RASGRP3: variants seen among roughly 807,000 people sequenced by gnomAD.
RASGRP3 encodes the protein RAS guanyl releasing protein 3.
Under a neutral mutation model 82.7 loss-of-function variants are expected in RASGRP3, and 54 were observed. The observed-to-expected ratio is 0.65, with a 90% CI of 0.52 to 0.82. RASGRP3 has a LOEUF of 0.82. Among genes scored for constraint, RASGRP3 ranks in the 40% least tolerant of loss-of-function variants. The pLI is 0.00. For missense variants in RASGRP3, 861 were observed against 828.9 expected, an observed-to-expected ratio of 1.04 and a Z score of -0.48; for synonymous variants, 309 against 300.5, an observed-to-expected ratio of 1.03 and a Z score of -0.29.
At position 33,515,193 on chromosome 2, in the gene RASGRP3, C is replaced by T; in HGVS notation, c.57C>T (p.Cys19=). The change falls in exon 3 of 18, where the codon TGC becomes TGT. Residue 19 remains cysteine, a synonymous_variant. Coordinates refer to ENST00000403687, the MANE Select transcript of RASGRP3 (RefSeq NM_001139488.2). ...CATTAGATGAACTGCTGTGCACTTG[C>T]ATTGAGATGTTTGGTACGAGCCTTT... ...AATLDELLCT[C]IEMFDDNGEL... 1 of 1,613,932 alleles carries T rather than the reference C, an allele frequency of 6.2e-7. No homozygotes were observed. Among genetic ancestry groups the T allele is most frequent in the Non-Finnish European group, 8.5e-7 (1 of 1,179,832 alleles).
upstream of RASGRP3, among the ~76,000 whole-genome samples, chr2:33,475,913 T>C (rs1458487692): frequency 6.6e-6 from 1 of 152,226 alleles, no homozygotes; most frequent in African/African-American, 2.4e-5. Context: ...CGCCGGCTGA[T>C]AATCTCAGCT....
intron 13 of RASGRP3, among the ~76,000 whole-genome samples, chr2:33,547,502 G>GGGAA (rs1674915252): frequency 6.6e-6 from 1 of 151,882 alleles, no homozygotes; most frequent in African/African-American, 2.4e-5. Context: ...AACAGTAATA[G>GGGAA]GGAAGCCTGG....
At chr2:33,482,498 C>G (rs529825194) in intron 1 of RASGRP3, 1 of 152,340 alleles carries the variant, frequency 6.6e-6, no homozygotes, top group Non-Finnish European at 1.5e-5. Flanking sequence ...CCTTGCCCAA[C>G]AAAACCATCG....
chr2:33,509,140 C>T (rs564053955), intron 1 of RASGRP3, among the ~76,000 whole-genome samples: 89 of 152,262 alleles, frequency 5.8e-4, no homozygotes, highest in African/African-American at 2.0e-3. Flanking sequence ...GTGGCTCATG[C>T]GTGTAATCCC....
chr2:33,478,010 C>T (rs1218544944), intron 1 of RASGRP3, among the ~76,000 whole-genome samples: 1 of 152,140 alleles, frequency 6.6e-6, no homozygotes, highest in African/African-American at 2.4e-5. Flanking sequence ...CCTCTGCCCC[C>T]TGCCATGAGG....
chr2:33,483,486 ATTTTT>A lies in RASGRP3; in HGVS notation c.-261+6795_-261+6799del, dbSNP rs202150682. On this transcript the variant is annotated intron_variant, in intron 1 of 17. Coordinates refer to ENST00000403687, the MANE Select transcript of RASGRP3 (RefSeq NM_001139488.2). ...ATCCCAGAGGCATGTTTTAGCCACT[ATTTTT>A]TTTTTTTTTTTTTTTGAGACGGATT... Among the ~76,000 whole-genome samples the A allele has an allele frequency of 8.9e-3, 1,118 of 125,924 alleles. 18 individuals carry two copies. Among genetic ancestry groups the A allele is most frequent in the African/African-American group, 0.028 (937 of 34,008 alleles). The allele number at this position is 125,924 out of a possible 152,430, so 82.6% of individuals were successfully genotyped here.
intron 6 of RASGRP3, among the ~76,000 whole-genome samples, 153 bp downstream of exon 6, chr2:33,520,837 G>C (rs1574409926): frequency 6.6e-6 from 1 of 152,092 alleles, no homozygotes; most frequent in Non-Finnish European, 1.5e-5. Context: ...AAGCCGTATG[G>C]GACACAGCTC....
intron 14 of RASGRP3, 27 bp downstream of exon 14, chr2:33,549,778 A>T: frequency 6.2e-7 from 1 of 1,607,252 alleles, no homozygotes; most frequent in Non-Finnish European, 8.5e-7. Context: ...TTGTTTTCTT[A>T]TGTGTGTAGT....
At chr2:33,544,713 A>T (rs923506319) in intron 13 of RASGRP3, among the ~76,000 whole-genome samples, 3 of 152,130 alleles carry the variant, frequency 2.0e-5, no homozygotes, top group African/African-American at 7.2e-5. Flanking sequence ...CGAAATCTGG[A>T]GCCGGATGCG....
Position 33,515,046 on chromosome 2 carries a change from T to C in RASGRP3, c.-91T>C. 8.5e-7 allele frequency: 1 copy of C among 1,180,888 alleles called. No homozygotes were observed. Among genetic ancestry groups the C allele is most frequent in the Non-Finnish European group, 1.3e-6 (1 of 785,452 alleles). 73.2% of individuals were successfully genotyped at this position (1,180,888 alleles called of 1,614,324 possible). The stretch of plus-strand genomic sequence containing the variant: ...AGTACAACTAAGGACAGGTCACCAC[T>C]AGGCACTAACATCGCTGACTTGCAT... On this transcript the variant is annotated 5_prime_UTR_variant, in exon 3 of 18. Transcript: ENST00000403687.
At chr2:33,485,541 A>G (rs559521267) in intron 1 of RASGRP3, among the ~76,000 whole-genome samples, 14 of 152,344 alleles carry the variant, frequency 9.2e-5, no homozygotes, top group African/African-American at 2.9e-4. Context: ...TATGAAAAAG[A>G]TCTTGACTGT....
chr2:33,517,897 A>G (rs1377928567), intron 4 of RASGRP3, among the ~76,000 whole-genome samples: 2 of 152,208 alleles, frequency 1.3e-5, no homozygotes, highest in Non-Finnish European at 2.9e-5. Flanking sequence ...ACATTTCTAT[A>G]AACTTTCCTC....
intron 1 of RASGRP3, among the ~76,000 whole-genome samples, chr2:33,494,237 C>T (rs887814310): frequency 5.3e-5 from 8 of 152,190 alleles, no homozygotes; most frequent in South Asian, 4.1e-4. Flanking sequence ...GTTGGAGCTA[C>T]GGTTTTCTCT....
chr2:33,520,081 C>A (rs141425351), intron 5 of RASGRP3, 67 bp downstream of exon 5: 2 of 1,309,808 alleles, frequency 1.5e-6, no homozygotes, highest in African/African-American at 1.5e-5. Context: ...ATTTCCTTTT[C>A]CCCAAGCTGC....
chr2:33,537,320 A>ACCT (rs1266542679), intron 11 of RASGRP3, among the ~76,000 whole-genome samples: 1 of 33,324 alleles, frequency 3.0e-5, no homozygotes, highest in Non-Finnish European at 5.6e-5. Context: ...ACACACACAC[A>ACCT]CCGCCCCCCC....
chr2:33,542,657 T>C lies in RASGRP3; in HGVS notation c.1279-855T>C, dbSNP rs374077633. ...AACCTTTCTTAATCCACCTCCTCTT[T>C]CCCCCCCCCACCAATATCACTCTAT... On this transcript the variant is annotated intron_variant, in intron 12 of 17. Coordinates refer to ENST00000403687, the MANE Select transcript of RASGRP3 (RefSeq NM_001139488.2). Among the ~76,000 whole-genome samples the C allele has an allele frequency of 2.9e-4, 42 of 143,468 alleles. 6 individuals carry two copies. The highest frequency in any genetic ancestry group is 1.9e-3 in the Admixed American group (26 of 13,818). The allele number at this position is 143,468 out of a possible 152,430, so 94.1% of individuals were successfully genotyped here. A position where few individuals can be genotyped will look rare whatever the true frequency, so the allele number is the denominator to read the frequency against.
chr2:33,560,979 T>C (rs1474587154), intron 17 of RASGRP3, among the ~76,000 whole-genome samples: 1 of 152,190 alleles, frequency 6.6e-6, no homozygotes, highest in African/African-American at 2.4e-5. Context: ...TATCTGGGTT[T>C]TTAAAAAAAT....
chr2:33,519,739 C>T (rs944705663), intron 4 of RASGRP3, among the ~76,000 whole-genome samples: 1 of 152,142 alleles, frequency 6.6e-6, no homozygotes, highest in Non-Finnish European at 1.5e-5. Flanking sequence ...GTGGCTTCTT[C>T]TTCAGACCAA....
At chr2:33,443,328 G>T (rs745884468) in intron 1 of RASGRP3, among the ~76,000 whole-genome samples, 1 of 152,128 alleles carries the variant, frequency 6.6e-6, no homozygotes, top group East Asian at 1.9e-4. Flanking sequence ...TGAGGGATGG[G>T]TTATCAATTA....
Sources: allele counts gnomAD v4.1 joint callset (sites outside exome capture counted in the v4.1 genomes callset), GRCh38; gene constraint gnomAD v4.1.1; transcripts MANE v1.5; gene names NCBI Gene and HGNC (gene_info 2026-07-23, HGNC 2026-07-21).